The following LRCH3 variants were observed in gnomAD, a reference collection of about 807,000 sequenced individuals.
LRCH3 encodes DISP complex protein LRCH3.
In LRCH3, 68 loss-of-function variants were observed where a neutral mutation model predicts 104.5. The ratio of observed to expected loss-of-function variants is 0.65; its 90% CI spans 0.54 to 0.80. The LOEUF is 0.80. LRCH3 is among the 30% of genes least tolerant of loss of function. The pLI is 0.00. For synonymous variants in LRCH3, 344 were observed against 361.3 expected (o/e 0.95, Z 0.54); for missense variants, 951 against 953.9 (o/e 1.00, Z 0.04).
At chr3:197,866,911 A>G (rs1233610685) in intron 17 of LRCH3, among the ~76,000 whole-genome samples, 1 of 152,108 alleles carries the variant, frequency 6.6e-6, no homozygotes, top group African/African-American at 2.4e-5. Flanking sequence ...AGGCCAAGGC[A>G]GGCAGATCAC....
intron 19 of LRCH3, among the ~76,000 whole-genome samples, chr3:197,874,218 A>C (rs534553312): frequency 3.9e-5 from 6 of 152,258 alleles, no homozygotes; most frequent in East Asian, 1.9e-4. Flanking sequence ...CAGGAGGTGA[A>C]CAGGCCAGTG....
At position 197,885,545 on chromosome 3, in the gene LRCH3, G is replaced by C. The variant is rs1374076444; in HGVS notation, c.*1879G>C. 3 of 152,344 alleles carry C rather than the reference G, an allele frequency of 2.0e-5. No individual in the cohort carries two copies. Among genetic ancestry groups the C allele is most frequent in the African/African-American group, 7.2e-5 (3 of 41,462 alleles). 9.4% of individuals were successfully genotyped at this position (152,344 alleles called of 1,614,324 possible). ...GAATTGCTTGAACCCAGGAGGCGGAGGTTGTGGTGAGCCAAGATCGTGCCA... is the reference window on the plus strand; with the variant it reads ...GAATTGCTTGAACCCAGGAGGCGGACGTTGTGGTGAGCCAAGATCGTGCCA... On this transcript the variant is annotated 3_prime_UTR_variant, in exon 21 of 21. Coordinates refer to ENST00000425562, the MANE Select transcript of LRCH3 (RefSeq NM_001365715.1).
intron 16 of LRCH3, 118 bp from the exon 17 acceptor site, chr3:197,865,994 A>G (rs1162194844): frequency 1.4e-6 from 1 of 730,482 alleles, no homozygotes. Flanking sequence ...TCATCATTAA[A>G]TAGAATTATT....
chr3:197,794,232 T>G (rs921737083), intron 1 of LRCH3, among the ~76,000 whole-genome samples: 3 of 152,234 alleles, frequency 2.0e-5, no homozygotes, highest in Non-Finnish European at 4.4e-5. Flanking sequence ...TTCATCTAAC[T>G]CTGTTCTTTC....
intron 20 of LRCH3, chr3:197,882,457 T>C: frequency 1.1e-6 from 1 of 947,542 alleles, no homozygotes; most frequent in Non-Finnish European, 1.3e-6. Context: ...AAATACTTGT[T>C]ATATATTTTA....
intron 15 of LRCH3, among the ~76,000 whole-genome samples, chr3:197,863,362 A>C (rs1333674822): frequency 6.6e-6 from 1 of 152,100 alleles, no homozygotes; most frequent in Non-Finnish European, 1.5e-5. Context: ...TCCATGTTCA[A>C]GCGATTCTCC....
At chr3:197,875,817 GTTGTCC>G in intron 20 of LRCH3, 42 bp downstream of exon 20, 9 of 1,294,220 alleles carry the variant, frequency 7.0e-6, no homozygotes, top group Non-Finnish European at 9.7e-6. Flanking sequence ...AATAGACTTG[GTTGTCC>G]TAAAATTTTA....
chr3:197,824,694 C>T (rs901968731), intron 4 of LRCH3, among the ~76,000 whole-genome samples: 1 of 151,120 alleles, frequency 6.6e-6, no homozygotes, highest in Admixed American at 6.6e-5. Flanking sequence ...GCCTCAGCCT[C>T]CCAAGTAGCT....
At chr3:197,876,262 C>CG (rs1480267737) in intron 20 of LRCH3, 3 of 152,252 alleles carry the variant, frequency 2.0e-5, no homozygotes, top group African/African-American at 7.2e-5. Flanking sequence ...GTAATTCAAA[C>CG]TAAGTAACAT....
At chr3:197,875,995 A>T (rs1036492034) in intron 20 of LRCH3, 1 of 356,044 alleles carries the variant, frequency 2.8e-6, no homozygotes, top group Non-Finnish European at 5.0e-6. Flanking sequence ...TGAAATAAGT[A>T]TAAGTAATTT....
Position 197,817,341 on chromosome 3 carries a change from T to TATTTTGTGTGC in LRCH3, c.534+39_534+40insATTTTGTGTGC. 5 of 435,568 alleles carry TATTTTGTGTGC rather than the reference T, an allele frequency of 1.1e-5. 1 individual carries two copies. The highest frequency in any genetic ancestry group is 1.6e-5 in the Non-Finnish European group (5 of 306,532). 27.0% of individuals were successfully genotyped at this position (435,568 alleles called of 1,614,324 possible). ...TTTGATTGTCCAACATGTGTGTGTG[T>TATTTTGTGTGC]GTGTCTGTGTGTGTGTGTGTATATA... On this transcript the variant is annotated intron_variant, in intron 3 of 20. Coordinates refer to ENST00000425562, the MANE Select transcript of LRCH3 (RefSeq NM_001365715.1).
intron 19 of LRCH3, among the ~76,000 whole-genome samples, chr3:197,874,917 G>C (rs76773105): frequency 0.017 from 2,487 of 150,414 alleles, 98 homozygotes; most frequent in African/African-American, 0.059. Context: ...TCGAGTGGTT[G>C]CAACAGTTCT....
intron 9 of LRCH3, among the ~76,000 whole-genome samples, chr3:197,838,386 T>C (rs543611513): frequency 3.5e-4 from 53 of 152,364 alleles, no homozygotes; most frequent in African/African-American, 1.2e-3. Flanking sequence ...TGTTAGCCCT[T>C]TGAAGTAACT....
Position 197,883,282 on chromosome 3 carries a change from A to G in LRCH3, c.2209-259A>G. On this transcript the variant is annotated intron_variant, in intron 20 of 20. Transcript: ENST00000425562. This position sits in a 1 kb window ranked among gnomAD's most constrained non-coding sequence, Gnocchi z 4.2. ...GTATTGTTTTCCCTCTGTTGTATGT[A>G]TAGATATATGCTACTTGTCAATTTT... 1 of 1,228,968 alleles carries G rather than the reference A, an allele frequency of 8.1e-7. No homozygotes were observed. Among genetic ancestry groups the G allele is most frequent in the Non-Finnish European group, 1.0e-6 (1 of 978,970 alleles). The allele number at this position is 1,228,968 out of a possible 1,614,324, so 76.1% of individuals were successfully genotyped here.
intron 19 of LRCH3, among the ~76,000 whole-genome samples, chr3:197,873,785 G>A (rs1452481058): frequency 6.6e-6 from 1 of 152,056 alleles, no homozygotes; most frequent in Non-Finnish European, 1.5e-5. Context: ...CACTTTGGGA[G>A]GCCCAGGTGG....
At position 197,844,896 on chromosome 3, in the gene LRCH3, T is replaced by C. The variant is rs140811627; in HGVS notation, c.1329-2513T>C. 5.2e-3 allele frequency among the ~76,000 whole-genome samples: 785 copies of C among 152,278 alleles called. 5 individuals are homozygous for C. The highest frequency in any genetic ancestry group is 0.018 in the African/African-American group (740 of 41,548). Reference sequence around the variant, plus strand: ...CGGCCTCCCAAAGAAGTGCTGGGATTACAGGCGGGAGCCACTGCACCCGGC... The same window carrying C: ...CGGCCTCCCAAAGAAGTGCTGGGATCACAGGCGGGAGCCACTGCACCCGGC... On this transcript the variant is annotated intron_variant, in intron 10 of 20. Coordinates refer to ENST00000425562, the MANE Select transcript of LRCH3 (RefSeq NM_001365715.1).
chr3:197,881,188 C>T (rs1485877420), intron 20 of LRCH3: 2 of 1,006,664 alleles, frequency 2.0e-6, no homozygotes, highest in African/African-American at 3.5e-5. Flanking sequence ...CTGGTTTTGG[C>T]CGCACCCGGT....
intron 12 of LRCH3, among the ~76,000 whole-genome samples, chr3:197,849,520 T>G (rs1186695722): frequency 6.6e-6 from 1 of 152,136 alleles, no homozygotes; most frequent in Non-Finnish European, 1.5e-5. Context: ...ATACTATACA[T>G]ACTATATCTC....
intron 8 of LRCH3, among the ~76,000 whole-genome samples, chr3:197,833,230 T>TC (rs1736198982): frequency 6.6e-6 from 1 of 151,924 alleles, no homozygotes; most frequent in Admixed American, 6.6e-5. Context: ...TTGAAATGTG[T>TC]TTTTTTAGGC....
Sources: gnomAD v4.1 joint callset for allele counts (sites outside exome capture counted in the v4.1 genomes callset) on GRCh38, gnomAD v4.1.1 for gene constraint, Gnocchi (gnomAD v3.1) non-coding constraint, MANE v1.5 for transcripts, NCBI Gene and HGNC (gene_info 2026-07-23, HGNC 2026-07-21) for gene names.